Variants in CTNNA3 observed in about 807,000 individuals in gnomAD.
The protein encoded by CTNNA3 is catenin alpha 3.
CTNNA3 carries 76 observed loss-of-function variants against 95.7 expected under a neutral mutation model. That is an observed-to-expected ratio of 0.79 (90% CI 0.66 to 0.96). The LOEUF (loss-of-function observed/expected upper bound fraction) is 0.96, where lower values mean the gene tolerates loss of function less well. Ranked by LOEUF, CTNNA3 falls within the 40% of genes least tolerant of loss-of-function variation. The pLI is 0.00. For synonymous variants in CTNNA3, 431 were observed against 374.4 expected (o/e 1.15, Z -1.74); for missense variants, 1,191 against 1,089.8 (o/e 1.09, Z -1.31).
intron 17 of CTNNA3, among the ~76,000 whole-genome samples, chr10:65,953,299 C>T (rs2077656853): frequency 6.6e-6 from 1 of 152,024 alleles, no homozygotes; most frequent in African/African-American, 2.4e-5. Flanking sequence ...TTAGGACATT[C>T]ATACATCAAG....
chr10:66,215,182 C>T (rs1358357337), intron 13 of CTNNA3, among the ~76,000 whole-genome samples: 2 of 152,162 alleles, frequency 1.3e-5, no homozygotes, highest in East Asian at 3.9e-4. Context: ...TGTGGCTCAA[C>T]TGTGGACACT....
chr10:66,621,669 A>C, intron 10 of CTNNA3, 23 bp downstream of exon 10: 1 of 1,424,584 alleles, frequency 7.0e-7, no homozygotes, highest in Non-Finnish European at 9.8e-7. Flanking sequence ...TTTTACACAC[A>C]AAAAGTAACT....
intron 13 of CTNNA3, among the ~76,000 whole-genome samples, chr10:66,214,221 G>A (rs2088364086): frequency 1.3e-5 from 2 of 152,114 alleles, no homozygotes; most frequent in Non-Finnish European, 2.9e-5. Context: ...AGGAAAAGGT[G>A]CCCATTGAAA....
At chr10:67,102,820 A>G (rs968686673) in intron 7 of CTNNA3, among the ~76,000 whole-genome samples, 1 of 151,852 alleles carries the variant, frequency 6.6e-6, no homozygotes, top group African/African-American at 2.4e-5. Context: ...AGGTTCTGCA[A>G]GACAGTCTTT....
At chr10:65,960,340 C>T (rs111712795) in intron 17 of CTNNA3, among the ~76,000 whole-genome samples, 16,393 of 151,770 alleles carry the variant, frequency 0.11, 1,115 homozygotes, top group East Asian at 0.2. Context: ...GTCGAGACCA[C>T]GGTGAAACCC....
At chr10:66,171,691 A>C (rs2131833240) in intron 13 of CTNNA3, among the ~76,000 whole-genome samples, 1 of 152,288 alleles carries the variant, frequency 6.6e-6, no homozygotes, top group Admixed American at 6.5e-5. Flanking sequence ...GGTTTGGACT[A>C]GCCAAGTATG....
intron 6 of CTNNA3, among the ~76,000 whole-genome samples, chr10:67,204,044 T>C (rs925055139): frequency 1.3e-5 from 2 of 151,914 alleles, no homozygotes; most frequent in African/African-American, 4.8e-5. Flanking sequence ...AAGAAGAAAA[T>C]ATGAACTTAG....
At chr10:67,112,107 A>T (rs1385889365) in intron 7 of CTNNA3, among the ~76,000 whole-genome samples, 1 of 152,190 alleles carries the variant, frequency 6.6e-6, no homozygotes, top group East Asian at 1.9e-4. Context: ...CTCAATGGAA[A>T]TAATGAACAA....
rs1475710038 is a variant in CTNNA3, at chr10:67,237,120, GTGTATGTATATATATATATATATA to G, written c.580-17274_580-17251del. On this transcript the variant is annotated intron_variant, in intron 5 of 17. Coordinates refer to ENST00000433211, the MANE Select transcript of CTNNA3 (RefSeq NM_013266.4). ...TCAATGAGTGGATAAAGAAACTATG[GTGTATGTATATATATATATATATA>G]TATATATATATATATATATATATAT... Among the ~76,000 whole-genome samples, 19 of 15,650 alleles carry G rather than the reference GTGTATGTATATATATATATATATA, an allele frequency of 1.2e-3. 2 individuals carry two copies. Among genetic ancestry groups the G allele is most frequent in the South Asian group, 4.0e-3 (2 of 506 alleles). 10.3% of individuals were successfully genotyped at this position (15,650 alleles called of 152,430 possible).
rs749060419 is a variant in CTNNA3 at position 66,927,501 on chromosome 10, T to G, written c.1048-151977A>C. The G allele has an allele frequency of 8.7e-6, 14 of 1,613,992 alleles. No homozygotes were observed. The highest frequency in any genetic ancestry group is 1.1e-5 in the Non-Finnish European group (13 of 1,180,038). On this transcript the variant is annotated intron_variant, in intron 7 of 17. Transcript: ENST00000433211. The surrounding 1 kb of genome is among the most constrained non-coding windows in gnomAD (Gnocchi z 4.7). ...ACCTGGGATATAACCGGATCCGAAG[T>G]TTAGCCAGGAATGTCTTTGCTGGCA...
At chr10:66,014,288 C>A (rs1045185576) in intron 15 of CTNNA3, among the ~76,000 whole-genome samples, 3 of 151,998 alleles carry the variant, frequency 2.0e-5, no homozygotes, top group Non-Finnish European at 4.4e-5. Context: ...ATAGTAGAAG[C>A]CTGCAAGAAG....
At chr10:66,158,626 T>C (rs1405246929) in intron 13 of CTNNA3, among the ~76,000 whole-genome samples, 1 of 152,148 alleles carries the variant, frequency 6.6e-6, no homozygotes, top group Non-Finnish European at 1.5e-5. Context: ...GCTTTGGCTA[T>C]GCAGGCTCTT....
intron 5 of CTNNA3, among the ~76,000 whole-genome samples, chr10:67,446,153 G>A (rs185109284): frequency 2.1e-4 from 32 of 152,112 alleles, no homozygotes; most frequent in African/African-American, 7.2e-4. Context: ...ATTTTGAACC[G>A]AATCAGTCAT....
chr10:66,452,901 T>C (rs12416578), intron 11 of CTNNA3, among the ~76,000 whole-genome samples: 5,731 of 152,086 alleles, frequency 0.038, 362 homozygotes, highest in East Asian at 0.23. Context: ...TAGCCCTGTG[T>C]CTGCCAAACT....
chr10:66,467,417 C>T (rs2131864336), intron 11 of CTNNA3, among the ~76,000 whole-genome samples: 1 of 152,170 alleles, frequency 6.6e-6, no homozygotes, highest in South Asian at 2.1e-4. Flanking sequence ...CTAATATCCT[C>T]CAATATGCTG....
chr10:66,250,528 T>C (rs1589851870), intron 13 of CTNNA3, among the ~76,000 whole-genome samples: 1 of 152,314 alleles, frequency 6.6e-6, no homozygotes, highest in East Asian at 1.9e-4. Context: ...AAGTATCTCA[T>C]GTGCCCTATA....
chr10:66,114,070 G>A (rs972312135), intron 13 of CTNNA3, among the ~76,000 whole-genome samples: 4 of 152,102 alleles, frequency 2.6e-5, no homozygotes, highest in African/African-American at 7.2e-5. Flanking sequence ...ATGTCTGAAT[G>A]TCGGATCAAA....
intron 2 of CTNNA3, among the ~76,000 whole-genome samples, chr10:67,640,795 T>C (rs1055243694): frequency 1.3e-5 from 2 of 152,184 alleles, no homozygotes; most frequent in African/African-American, 2.4e-5. Flanking sequence ...GAAAACTGGC[T>C]AGCCATATAT....
chr10:67,009,058 C>A (rs1852174258), intron 7 of CTNNA3, among the ~76,000 whole-genome samples: 1 of 152,082 alleles, frequency 6.6e-6, no homozygotes, highest in African/African-American at 2.4e-5. Context: ...AAACTAACCT[C>A]ATTTTTCTCT....
Sources: gnomAD v4.1 joint callset for allele counts (sites outside exome capture counted in the v4.1 genomes callset) on GRCh38, gnomAD v4.1.1 for gene constraint, Gnocchi (gnomAD v3.1) non-coding constraint, MANE v1.5 for transcripts, NCBI Gene and HGNC (gene_info 2026-07-23, HGNC 2026-07-21) for gene names.